Variants in ADAM12 observed in about 807,000 individuals in gnomAD.
ADAM12 encodes disintegrin and metalloproteinase domain-containing protein 12.
A neutral mutation model predicts 106.4 loss-of-function variants in ADAM12; 70 were observed. The observed-to-expected ratio is 0.66, with a 90% CI of 0.54 to 0.80. ADAM12 has a LOEUF of 0.80. ADAM12 is among the 30% of genes least tolerant of loss of function. The pLI is 0.00. For synonymous variants in ADAM12, 420 were observed against 433.5 expected (o/e 0.97, Z 0.39); for missense variants, 1,010 against 1,171.9 (o/e 0.86, Z 2.02).
rs567611884 is a variant in ADAM12, at chr10:126,028,744, C to T, written c.2529+7402G>A. Among the ~76,000 whole-genome samples the T allele has an allele frequency of 9.9e-5, 15 of 151,944 alleles. No homozygotes were observed. The South Asian group carries it at 1.7e-3, about 17-fold the overall frequency. ...CAACACCATCGAGGACATAGGCATGCGAAAAGATTTCATGACAACATCAAG... is the reference window on the plus strand; with the variant it reads ...CAACACCATCGAGGACATAGGCATGTGAAAAGATTTCATGACAACATCAAG... On this transcript the variant is annotated intron_variant, in intron 21 of 22. Coordinates refer to ENST00000448723, the MANE Select transcript of ADAM12 (RefSeq NM_001288973.2).
chr10:126,241,140 C>T (rs1755973228), intron 3 of ADAM12, among the ~76,000 whole-genome samples: 1 of 152,196 alleles, frequency 6.6e-6, no homozygotes, highest in Non-Finnish European at 1.5e-5. Context: ...TACTATATAA[C>T]TGCACGGACA....
At chr10:126,230,528 A>G (rs539811985) in intron 3 of ADAM12, among the ~76,000 whole-genome samples, 137 of 152,266 alleles carry the variant, frequency 9.0e-4, no homozygotes, top group African/African-American at 3.2e-3. Flanking sequence ...CTGTGTAAGA[A>G]CCCACCCACT....
chr10:126,193,453 T>C (rs1957541314), intron 3 of ADAM12, among the ~76,000 whole-genome samples: 1 of 152,186 alleles, frequency 6.6e-6, no homozygotes. Context: ...ACTGGTCAAA[T>C]ACATTAGAGA....
intron 10 of ADAM12, among the ~76,000 whole-genome samples, chr10:126,096,150 AAC>A (rs1312939760): frequency 6.6e-6 from 1 of 152,258 alleles, no homozygotes; most frequent in Admixed American, 6.5e-5. Flanking sequence ...TCTCGAAAAT[AAC>A]ACAATGGTGA....
chr10:126,155,519 G>A (rs532274219), intron 3 of ADAM12, among the ~76,000 whole-genome samples: 109 of 151,920 alleles, frequency 7.2e-4, no homozygotes, highest in Admixed American at 2.9e-3. Flanking sequence ...ATGCATCCTC[G>A]GAACAATAGC....
At chr10:126,214,966 C>A (rs1055574047) in intron 3 of ADAM12, among the ~76,000 whole-genome samples, 14 of 152,194 alleles carry the variant, frequency 9.2e-5, no homozygotes, top group Non-Finnish European at 2.9e-5. Flanking sequence ...GAGAGTCAGC[C>A]CCTCGCTGGG....
intron 5 of ADAM12, among the ~76,000 whole-genome samples, chr10:126,120,730 T>TC (rs1956069572): frequency 6.6e-6 from 1 of 151,504 alleles, no homozygotes; most frequent in South Asian, 2.1e-4. Flanking sequence ...GTTCAGCATG[T>TC]CAAAGATCCA....
chr10:126,083,127 C>A (rs1387166533), intron 11 of ADAM12, among the ~76,000 whole-genome samples: 1 of 152,216 alleles, frequency 6.6e-6, no homozygotes, highest in Non-Finnish European at 1.5e-5. Flanking sequence ...TTACTCCATG[C>A]TGCCTGGAGC....
At chr10:126,336,399 A>C (rs1854700529) in intron 1 of ADAM12, among the ~76,000 whole-genome samples, 1 of 152,222 alleles carries the variant, frequency 6.6e-6, no homozygotes, top group South Asian at 2.1e-4. Context: ...CAAATACCAG[A>C]AAGATGGCAT....
At chr10:126,044,091 G>A (rs1441915543) in intron 17 of ADAM12, among the ~76,000 whole-genome samples, 1 of 152,048 alleles carries the variant, frequency 6.6e-6, no homozygotes, top group Non-Finnish European at 1.5e-5. Flanking sequence ...ATGATCCAAT[G>A]GAAGATGACC....
chr10:126,360,927 C>T (rs565375485), intron 1 of ADAM12, among the ~76,000 whole-genome samples: 18 of 152,308 alleles, frequency 1.2e-4, no homozygotes, highest in Admixed American at 8.5e-4. Flanking sequence ...CTAGGGAAGC[C>T]TCACAATCAT....
intron 3 of ADAM12, among the ~76,000 whole-genome samples, chr10:126,254,837 G>T (rs1958858469): frequency 6.6e-6 from 1 of 152,208 alleles, no homozygotes; most frequent in Non-Finnish European, 1.5e-5. Context: ...ACTTAAGAGT[G>T]TACTGACAGC....
At chr10:126,247,807 AGTGG>A (rs1298929144) in intron 3 of ADAM12, among the ~76,000 whole-genome samples, 1 of 152,234 alleles carries the variant, frequency 6.6e-6, no homozygotes, top group Non-Finnish European at 1.5e-5. Flanking sequence ...GTCAGCACAC[AGTGG>A]CCATAACTTC....
Position 126,014,434 on chromosome 10 carries a change from C to T in ADAM12, c.*2845G>A, listed in dbSNP as rs531430449. ...TAAGAAGGCATAAAAATGCCCCCCC[C>T]CCGAGACTCGTCAGGAGTATTGACT... On this transcript the variant is annotated 3_prime_UTR_variant, in exon 23 of 23. Transcript: ENST00000448723. The T allele has an allele frequency of 5.3e-5, 8 of 149,844 alleles. No homozygotes were observed. Among genetic ancestry groups the T allele is most frequent in the Non-Finnish European group, 7.4e-5 (5 of 67,662 alleles). 9.3% of individuals were successfully genotyped at this position (149,844 alleles called of 1,614,324 possible). A position where few individuals can be genotyped will look rare whatever the true frequency, so the allele number is the denominator to read the frequency against.
chr10:126,141,148 G>T (rs1455711745), intron 4 of ADAM12, among the ~76,000 whole-genome samples: 1 of 152,190 alleles, frequency 6.6e-6, no homozygotes, highest in African/African-American at 2.4e-5. Flanking sequence ...CCTAAGAGGG[G>T]CTTGCACCCC....
chr10:126,152,811 T>A lies in ADAM12; in HGVS notation c.339+2416A>T, dbSNP rs527592968. Among the ~76,000 whole-genome samples the A allele has an allele frequency of 6.2e-4, 95 of 152,298 alleles. 1 individual carries two copies. The South Asian group carries it at 0.011, about 17-fold the overall frequency. The stretch of plus-strand genomic sequence containing the variant: ...TTGCTATTTTATGTTTTTCTACTCT[T>A]TAAATAGTTATACTTAAAATTGCAG... On this transcript the variant is annotated intron_variant, in intron 4 of 22. Transcript: ENST00000448723.
rs1330731430 is a variant in ADAM12, at chr10:126,016,179, A to G, written c.*1100T>C. ...ATGATAGCAGACATGAACTATACCC[A>G]TGAACATCACATTCCATTGGTTGTA... is the stretch of plus-strand genomic sequence containing the variant. On this transcript the variant is annotated 3_prime_UTR_variant, in exon 23 of 23. Coordinates refer to ENST00000448723, the MANE Select transcript of ADAM12 (RefSeq NM_001288973.2). 1 of 152,180 alleles carries G rather than the reference A, an allele frequency of 6.6e-6. No homozygotes were observed. The highest frequency in any genetic ancestry group is 1.5e-5 in the Non-Finnish European group (1 of 68,040). The allele number at this position is 152,180 out of a possible 1,614,324, so 9.4% of individuals were successfully genotyped here. A position where few individuals can be genotyped will look rare whatever the true frequency, so the allele number is the denominator to read the frequency against.
At chr10:126,128,818 G>A (rs1388834184) in intron 5 of ADAM12, among the ~76,000 whole-genome samples, 1 of 147,030 alleles carries the variant, frequency 6.8e-6, no homozygotes, top group African/African-American at 2.5e-5. Flanking sequence ...GTGGACGCCT[G>A]CGCATGTGAG....
chr10:126,055,159 C>T (rs973947516), intron 14 of ADAM12, among the ~76,000 whole-genome samples: 2 of 152,172 alleles, frequency 1.3e-5, no homozygotes, highest in African/African-American at 4.8e-5. Context: ...CTTCCCTGCA[C>T]CCATCCCCTT....
Sources: allele counts gnomAD v4.1 joint callset (sites outside exome capture counted in the v4.1 genomes callset), GRCh38; gene constraint gnomAD v4.1.1; transcripts MANE v1.5; gene names NCBI Gene and HGNC (gene_info 2026-07-23, HGNC 2026-07-21).